SMARCB1: variants seen among roughly 807,000 people sequenced by gnomAD.
SMARCB1 encodes the protein SWI/SNF-related matrix-associated actin-dependent regulator of chromatin subfamily B member 1.
A neutral mutation model predicts 49.0 loss-of-function variants in SMARCB1; 5 were observed. That is an observed-to-expected ratio of 0.10 (90% CI 0.05 to 0.21). The LOEUF (loss-of-function observed/expected upper bound fraction) is 0.21. Ranked by LOEUF, SMARCB1 falls within the 10% of genes least tolerant of loss-of-function variation. SMARCB1 has a pLI of 1.00. For missense variants in SMARCB1, 226 were observed against 509.2 expected, an observed-to-expected ratio of 0.44 and a Z score of 5.35; for synonymous variants, 201 against 200.1, an observed-to-expected ratio of 1.00 and a Z score of -0.04.
At chr22:23,832,232 G>A (rs916295701) in intron 7 of SMARCB1, among the ~76,000 whole-genome samples, 1 of 152,110 alleles carries the variant, frequency 6.6e-6, no homozygotes, top group African/African-American at 2.4e-5. Context: ...CTACAGGGAG[G>A]CTGTGAGAAG....
chr22:23,834,375 C>G lies in SMARCB1; in HGVS notation c.*195C>G. 1 of 696,484 alleles carries G rather than the reference C, an allele frequency of 1.4e-6. No individual in the cohort carries two copies. The highest frequency in any genetic ancestry group is 2.6e-6 in the Non-Finnish European group (1 of 383,552). 43.1% of individuals were successfully genotyped at this position (696,484 alleles called of 1,614,324 possible). ...TTGAGCCCCAGTCCTGCCCCCCACC[C>G]CACCCTCCCTACCCCTCCCCAGTCT... On this transcript the variant is annotated 3_prime_UTR_variant, in exon 9 of 9. Transcript: ENST00000644036.
chr22:23,811,058 G>A (rs1034660219), intron 5 of SMARCB1, among the ~76,000 whole-genome samples: 1 of 147,302 alleles, frequency 6.8e-6, no homozygotes, highest in East Asian at 1.9e-4. Flanking sequence ...AAAAAAAGAT[G>A]GATAAAGATA....
intron 1 of SMARCB1, among the ~76,000 whole-genome samples, chr22:23,791,158 G>A (rs182410156): frequency 1.5e-4 from 23 of 152,264 alleles, no homozygotes; most frequent in Non-Finnish European, 2.8e-4. Context: ...TTTTCCTTAA[G>A]GAAGTCACAC....
intron 8 of SMARCB1, 67 bp downstream of exon 8, chr22:23,833,770 C>T: frequency 6.4e-7 from 1 of 1,570,724 alleles, no homozygotes; most frequent in African/African-American, 1.3e-5. Flanking sequence ...GAGGCAGGGC[C>T]ATTGCCTTTC....
intron 7 of SMARCB1, among the ~76,000 whole-genome samples, chr22:23,829,362 C>T (rs1486897269): frequency 6.6e-6 from 1 of 152,178 alleles, no homozygotes; most frequent in Non-Finnish European, 1.5e-5. Flanking sequence ...AGACCAGGGA[C>T]AGGCAGGTGC....
At chr22:23,813,072 A>C (rs1929976807) in intron 5 of SMARCB1, among the ~76,000 whole-genome samples, 1 of 152,092 alleles carries the variant, frequency 6.6e-6, no homozygotes, top group Non-Finnish European at 1.5e-5. Context: ...TCACAGTGTT[A>C]GCCAGGAATG....
At chr22:23,812,153 A>C (rs1468876077) in intron 5 of SMARCB1, among the ~76,000 whole-genome samples, 1 of 152,208 alleles carries the variant, frequency 6.6e-6, no homozygotes, top group Non-Finnish European at 1.5e-5. Context: ...CAGAATTTGT[A>C]ATTTAAAAAC....
chr22:23,826,612 C>T (rs1221594142), intron 7 of SMARCB1, among the ~76,000 whole-genome samples: 2 of 152,158 alleles, frequency 1.3e-5, no homozygotes, highest in African/African-American at 4.8e-5. Flanking sequence ...TCCACATCTG[C>T]AGTCATCACT....
Position 23,834,781 on chromosome 22 carries a change from C to A in SMARCB1, c.*601C>A. ...GCTGTGAGGCTCAGGGCAAGAGGCT[C>A]TCTGCCTTTCAGGAACAGCCCTAAC... On this transcript the variant is annotated 3_prime_UTR_variant, in exon 9 of 9. Transcript: ENST00000644036. The A allele has an allele frequency of 6.3e-7, 1 of 1,577,336 alleles. No individual in the cohort carries two copies.
Position 23,835,773 on chromosome 22 carries a change from C to T in SMARCB1, c.*1593C>T, listed in dbSNP as rs1205126325. 1.0e-6 allele frequency: 1 copy of T among 985,348 alleles called. No homozygotes were observed. Among genetic ancestry groups the T allele is most frequent in the East Asian group, 1.1e-4 (1 of 8,830 alleles). 61.0% of individuals were successfully genotyped at this position (985,348 alleles called of 1,614,324 possible). A position where few individuals can be genotyped will look rare whatever the true frequency, so the allele number is the denominator to read the frequency against. ...AAAGGGTGAGGCAGCCCTGTGTCTC[C>T]ACAACTGGGGGGATGGAAGGAACCT... On this transcript the variant is annotated 3_prime_UTR_variant, in exon 9 of 9. Coordinates refer to ENST00000644036, the MANE Select transcript of SMARCB1 (RefSeq NM_003073.5).
At chr22:23,831,564 A>G (rs1396920030) in intron 7 of SMARCB1, among the ~76,000 whole-genome samples, 4 of 152,150 alleles carry the variant, frequency 2.6e-5, no homozygotes, top group Non-Finnish European at 4.4e-5. Flanking sequence ...AAGGCAGGCT[A>G]GTGCTGGCTC....
At chr22:23,801,196 A>G (rs769094008) in intron 4 of SMARCB1, 115 bp downstream of exon 4, 4 of 1,398,430 alleles carry the variant, frequency 2.9e-6, no homozygotes, top group African/African-American at 1.4e-5. Flanking sequence ...GCTCCCCACA[A>G]CGCCACAGTA....
At chr22:23,804,339 G>A (rs187053873) in intron 5 of SMARCB1, 1 of 152,154 alleles carries the variant, frequency 6.6e-6, no homozygotes, top group East Asian at 1.9e-4. Flanking sequence ...CAAATAGCTA[G>A]GAATACAGGT....
At chr22:23,800,331 C>T (rs1215380212) in intron 3 of SMARCB1, among the ~76,000 whole-genome samples, 1 of 152,260 alleles carries the variant, frequency 6.6e-6, no homozygotes, top group Non-Finnish European at 1.5e-5. Context: ...CCCATCTTCT[C>T]AACTTCTACT....
At chr22:23,816,705 G>A in intron 5 of SMARCB1, 65 bp from the exon 6 acceptor site, 1 of 1,472,994 alleles carries the variant, frequency 6.8e-7, no homozygotes, top group East Asian at 2.3e-5. Flanking sequence ...GAAGGGGTGA[G>A]GGAGGCCGGT....
At chr22:23,817,100 A>G (rs1930241371) in intron 6 of SMARCB1, 164 bp downstream of exon 6, 2 of 657,976 alleles carry the variant, frequency 3.0e-6, no homozygotes, top group Admixed American at 4.4e-5. Context: ...TCCCCCAGGA[A>G]GGGCATAGGC....
intron 4 of SMARCB1, chr22:23,802,574 A>G (rs922838732): frequency 2.5e-5 from 4 of 158,540 alleles, no homozygotes; most frequent in Non-Finnish European, 5.6e-5. Context: ...CAGCGCATTC[A>G]TGCCTGGCAC....
In SMARCB1 at chr22:23,810,527, C is replaced by CAAA. The variant is rs201408640; in HGVS notation, c.629-6225_629-6223dup. Among the ~76,000 whole-genome samples the CAAA allele has an allele frequency of 1.0e-2, 787 of 78,968 alleles. 48 individuals are homozygous for CAAA. Among genetic ancestry groups the CAAA allele is most frequent in the African/African-American group, 0.014 (255 of 18,372 alleles). 51.8% of individuals were successfully genotyped at this position (78,968 alleles called of 152,430 possible). On this transcript the variant is annotated intron_variant, in intron 5 of 8. Coordinates refer to ENST00000644036, the MANE Select transcript of SMARCB1 (RefSeq NM_003073.5). ...TGGGCAACAGAGCAAGACTCTGTCT[C>CAAA]AAAAAAAAAAAAAAAAAAAAGAAAG... is the stretch of plus-strand genomic sequence containing the variant.
At chr22:23,796,938 A>T (rs1928786364) in intron 3 of SMARCB1, among the ~76,000 whole-genome samples, 1 of 151,420 alleles carries the variant, frequency 6.6e-6, no homozygotes, top group Non-Finnish European at 1.5e-5. Context: ...GGACAATTTG[A>T]GCAGAGGCTG....
Sources: allele counts gnomAD v4.1 joint callset (sites outside exome capture counted in the v4.1 genomes callset), GRCh38; gene constraint gnomAD v4.1.1; transcripts MANE v1.5; gene names NCBI Gene and HGNC (gene_info 2026-07-23, HGNC 2026-07-21).